Variants in EYS observed in about 807,000 individuals in gnomAD.
The protein encoded by EYS is EGF-like photoreceptor maintenance factor.
A neutral mutation model predicts 282.1 loss-of-function variants in EYS; 250 were observed. The observed-to-expected ratio is 0.89, with a 90% CI of 0.80 to 0.98. The LOEUF is 0.98. Among genes scored for constraint, EYS ranks in the 50% least tolerant of loss-of-function variants. The probability of loss-of-function intolerance (pLI) is 0.00; values close to 1 mark genes in which losing one functional copy is unlikely to be tolerated. For synonymous variants in EYS, 1,355 were observed against 1,282.9 expected, an observed-to-expected ratio of 1.06 and a Z score of -1.20; for missense variants, 4,016 against 3,709.0, an observed-to-expected ratio of 1.08 and a Z score of -2.15.
At chr6:64,394,950 C>G (rs556343309) in intron 28 of EYS, among the ~76,000 whole-genome samples, 1 of 152,082 alleles carries the variant, frequency 6.6e-6, no homozygotes, top group Non-Finnish European at 1.5e-5. Flanking sequence ...AAACAAACAA[C>G]CCCATCAAAA....
intron 31 of EYS, among the ~76,000 whole-genome samples, chr6:64,212,604 TCAAAAACA>T (rs1438482425): frequency 6.6e-6 from 1 of 151,270 alleles, no homozygotes; most frequent in Non-Finnish European, 1.5e-5. Context: ...TATTTAAAAG[TCAAAAACA>T]GATGCTGGCG....
At chr6:64,044,397 G>A (rs1770527936) in intron 33 of EYS, among the ~76,000 whole-genome samples, 1 of 152,140 alleles carries the variant, frequency 6.6e-6, no homozygotes, top group Admixed American at 6.6e-5. Flanking sequence ...ATGATTTAAA[G>A]CAAAGGCTTT....
rs528720763 is a variant in EYS, at chr6:63,747,372, G to A, written c.8071+15089C>T. The stretch of plus-strand genomic sequence containing the variant: ...AGGAGTGTTTTACTTCCAATTATGC[G>A]GTCAATTTTAGAATAAATGCGATGT... On this transcript the variant is annotated intron_variant, in intron 41 of 42. Transcript: ENST00000503581. Among the ~76,000 whole-genome samples the A allele has an allele frequency of 7.9e-5, 12 of 152,180 alleles. No individual in the cohort carries two copies. The South Asian group carries it at 1.2e-3, about 16-fold the overall frequency.
intron 1 of EYS, among the ~76,000 whole-genome samples, chr6:65,674,570 T>C (rs1768511032): frequency 3.3e-5 from 5 of 150,170 alleles, no homozygotes; most frequent in African/African-American, 1.2e-4. Context: ...CCAGAAGGAC[T>C]AGAATGACAT....
At chr6:65,047,977 G>T (rs1773151239) in intron 13 of EYS, among the ~76,000 whole-genome samples, 1 of 151,842 alleles carries the variant, frequency 6.6e-6, no homozygotes, top group South Asian at 2.1e-4. Context: ...AAATGTATTT[G>T]CATCTGTCTC....
chr6:64,151,355 ATATATAT>A (rs1774722748), intron 31 of EYS, among the ~76,000 whole-genome samples: 2 of 90,398 alleles, frequency 2.2e-5, no homozygotes, highest in South Asian at 2.9e-4. Flanking sequence ...ATATATATAT[ATATATAT>A]AATTTTTTTT....
At chr6:64,768,807 AG>A (rs1182635421) in intron 22 of EYS, among the ~76,000 whole-genome samples, 1 of 152,164 alleles carries the variant, frequency 6.6e-6, no homozygotes, top group Non-Finnish European at 1.5e-5. Context: ...TATCACAAAA[AG>A]GGCAGGCTGT....
chr6:65,297,380 T>A (rs1300793634), intron 11 of EYS, among the ~76,000 whole-genome samples: 1 of 151,856 alleles, frequency 6.6e-6, no homozygotes, highest in Non-Finnish European at 1.5e-5. Flanking sequence ...TATAACTGTA[T>A]ATGACGGTAA....
intron 22 of EYS, among the ~76,000 whole-genome samples, chr6:64,780,798 T>A (rs1562188161): frequency 1.3e-5 from 2 of 152,292 alleles, no homozygotes; most frequent in African/African-American, 2.4e-5. Context: ...AAATATTCTT[T>A]AAAAAAATTA....
intron 26 of EYS, among the ~76,000 whole-genome samples, chr6:64,527,565 T>C (rs1777964866): frequency 6.6e-6 from 1 of 151,832 alleles, no homozygotes; most frequent in South Asian, 2.1e-4. Flanking sequence ...TTTTTCTTTC[T>C]CTAAAACAAA....
At chr6:63,952,460 C>G (rs1765639107) in intron 35 of EYS, among the ~76,000 whole-genome samples, 1 of 152,158 alleles carries the variant, frequency 6.6e-6, no homozygotes, top group African/African-American at 2.4e-5. Context: ...AATATGGAGG[C>G]TACCAACTCC....
chr6:64,263,739 T>C (rs1767663575), intron 30 of EYS, among the ~76,000 whole-genome samples: 1 of 152,104 alleles, frequency 6.6e-6, no homozygotes, highest in African/African-American at 2.4e-5. Flanking sequence ...ATGTATAGGT[T>C]TGTAAAACAG....
At chr6:64,330,469 A>T (rs1159908399) in intron 29 of EYS, among the ~76,000 whole-genome samples, 3 of 152,198 alleles carry the variant, frequency 2.0e-5, no homozygotes, top group Non-Finnish European at 2.9e-5. Flanking sequence ...CTTCAAAGAA[A>T]TCAAGAAGGC....
At chr6:65,624,960 C>T (rs1020076740) in intron 2 of EYS, among the ~76,000 whole-genome samples, 1 of 152,086 alleles carries the variant, frequency 6.6e-6, no homozygotes, top group Admixed American at 6.5e-5. Flanking sequence ...TAATAAACTC[C>T]CCTTTATATA....
rs1420548913 is a variant in EYS, at chr6:64,882,973, A to T, written c.2992+3724T>A. On this transcript the variant is annotated intron_variant, in intron 19 of 42. Coordinates refer to ENST00000503581, the MANE Select transcript of EYS (RefSeq NM_001142800.2). ...ACAGAAGCCAAGAGTCTAAGAAAAG[A>T]TTCCTATAGAAAGTTGCATCTGAGT... Among the ~76,000 whole-genome samples, 3 of 151,590 alleles carry T rather than the reference A, an allele frequency of 2.0e-5. No homozygotes were observed. In the Admixed American group the frequency reaches 2.0e-4, roughly 10 times the overall value.
chr6:63,981,601 T>A (rs1210729718), intron 35 of EYS, among the ~76,000 whole-genome samples: 7 of 151,812 alleles, frequency 4.6e-5, no homozygotes, highest in African/African-American at 1.7e-4. Context: ...AACTGGTACA[T>A]CTCCATGTGG....
chr6:65,664,586 T>C (rs1451115489), intron 1 of EYS, among the ~76,000 whole-genome samples: 1 of 152,118 alleles, frequency 6.6e-6, no homozygotes, highest in African/African-American at 2.4e-5. Context: ...GCACTTAGTA[T>C]ATATGAGAAA....
rs188849432 is a variant in EYS at position 65,017,133 on chromosome 6, C to G, written c.2138-19430G>C. ...TATTTACATTGGACAAATTTCTTCT[C>G]AAATCTAACAATGATTAGTGAGACA... On this transcript the variant is annotated intron_variant, in intron 13 of 42. Coordinates refer to ENST00000503581, the MANE Select transcript of EYS (RefSeq NM_001142800.2). Among the ~76,000 whole-genome samples the G allele has an allele frequency of 9.2e-4, 140 of 152,230 alleles. No individual in the cohort carries two copies. The Middle Eastern group carries it at 0.014, about 15-fold the overall frequency.
At chr6:64,489,359 C>A (rs1200270549) in intron 26 of EYS, among the ~76,000 whole-genome samples, 1 of 150,476 alleles carries the variant, frequency 6.6e-6, no homozygotes, top group Non-Finnish European at 1.5e-5. Flanking sequence ...GACAATTGAG[C>A]TTTTCTTTTT....
Sources: allele counts gnomAD v4.1 joint callset (sites outside exome capture counted in the v4.1 genomes callset), GRCh38; gene constraint gnomAD v4.1.1; transcripts MANE v1.5; gene names NCBI Gene and HGNC (gene_info 2026-07-23, HGNC 2026-07-21).